GALNT18: variants seen among roughly 807,000 people sequenced by gnomAD.
GALNT18 encodes GalNAc-transferase 18.
A neutral mutation model predicts 69.5 loss-of-function variants in GALNT18; 44 were observed. That is an observed-to-expected ratio of 0.63 (90% CI 0.50 to 0.81). The LOEUF (loss-of-function observed/expected upper bound fraction) is 0.81. Ranked by LOEUF, GALNT18 falls within the 40% of genes least tolerant of loss-of-function variation. GALNT18 has a pLI of 0.00. For synonymous variants in GALNT18, 364 were observed against 318.2 expected, an observed-to-expected ratio of 1.14 and a Z score of -1.53; for missense variants, 715 against 810.0, an observed-to-expected ratio of 0.88 and a Z score of 1.42.
At chr11:11,553,951 C>T (rs931915974) in intron 1 of GALNT18, among the ~76,000 whole-genome samples, 1 of 152,228 alleles carries the variant, frequency 6.6e-6, no homozygotes, top group Non-Finnish European at 1.5e-5. Flanking sequence ...CGGGCTCTGC[C>T]TGCCTGATAC....
At position 11,540,604 on chromosome 11, in the gene GALNT18, T is replaced by C. The variant is rs967487361; in HGVS notation, c.235+80755A>G. 6.6e-6 allele frequency among the ~76,000 whole-genome samples: 1 copy of C among 152,202 alleles called. No individual in the cohort carries two copies. The highest frequency in any genetic ancestry group is 2.4e-5 in the African/African-American group (1 of 41,438). On this transcript the variant is annotated intron_variant, in intron 1 of 10. Coordinates refer to ENST00000227756, the MANE Select transcript of GALNT18 (RefSeq NM_198516.3). This position sits in a 1 kb window ranked among gnomAD's most constrained non-coding sequence, Gnocchi z 4.6. ...TGACCCTGAAAACTGATCCCTGATC[T>C]TGCCTCTGCGAGTTTCCCTTGGCCT...
intron 6 of GALNT18, among the ~76,000 whole-genome samples, chr11:11,355,417 A>C (rs1476576005): frequency 1.3e-5 from 2 of 152,176 alleles, no homozygotes; most frequent in Non-Finnish European, 2.9e-5. Flanking sequence ...GTGATTAAAC[A>C]TGCACAAAAA....
chr11:11,518,184 A>C (rs1423445456), intron 1 of GALNT18, among the ~76,000 whole-genome samples: 8 of 152,202 alleles, frequency 5.3e-5, no homozygotes, highest in Admixed American at 5.2e-4. Context: ...CCTGTTCCTC[A>C]GCTGAGTTCC....
chr11:11,511,251 G>A lies in GALNT18; in HGVS notation c.236-62315C>T, dbSNP rs1482443055. Among the ~76,000 whole-genome samples the A allele has an allele frequency of 6.6e-6, 1 of 152,192 alleles. No homozygotes were observed. Among genetic ancestry groups the A allele is most frequent in the African/African-American group, 2.4e-5 (1 of 41,454 alleles). On this transcript the variant is annotated intron_variant, in intron 1 of 10. Transcript: ENST00000227756. This position sits in a 1 kb window ranked among gnomAD's most constrained non-coding sequence, Gnocchi z 4.9. ...TGGAATCCCAGCCAAAGAATCTGCT[G>A]AAGACTGAAGGGACCGGCTGTCCAG...
chr11:11,378,708 C>T (rs1853834982), intron 4 of GALNT18, among the ~76,000 whole-genome samples: 1 of 152,220 alleles, frequency 6.6e-6, no homozygotes. Flanking sequence ...GGGCTTCTGC[C>T]TCACGTCTGG....
rs1160216130 is a variant in GALNT18, at chr11:11,432,363, CTA to C, written c.595+256_595+257del. Among the ~76,000 whole-genome samples the C allele has an allele frequency of 6.6e-6, 1 of 152,176 alleles. No homozygotes were observed. Among genetic ancestry groups the C allele is most frequent in the Admixed American group, 6.5e-5 (1 of 15,276 alleles). ...AGGAGGTCAGGGCCTTCTATCTTAT[CTA>C]TTGCACTGGAATATGGGAGGGGAGA... On this transcript the variant is annotated intron_variant, in intron 3 of 10. Coordinates refer to ENST00000227756, the MANE Select transcript of GALNT18 (RefSeq NM_198516.3). The surrounding 1 kb of genome is among the most constrained non-coding windows in gnomAD (Gnocchi z 5.8).
intron 1 of GALNT18, among the ~76,000 whole-genome samples, chr11:11,608,812 C>A (rs554262226): frequency 4.6e-5 from 7 of 152,182 alleles, no homozygotes; most frequent in Non-Finnish European, 1.5e-5. Flanking sequence ...AGGCTTCCCT[C>A]TTGAAGGTAA....
At chr11:11,438,864 C>T (rs1353217272) in intron 2 of GALNT18, among the ~76,000 whole-genome samples, 1 of 152,200 alleles carries the variant, frequency 6.6e-6, no homozygotes, top group Admixed American at 6.5e-5. Flanking sequence ...TGAAGCCCAA[C>T]ATGGTCTTCC....
rs192879612 is a variant in GALNT18 at position 11,340,753 on chromosome 11, C to T, written c.1278+66G>A. 2.0e-6 allele frequency: 3 copies of T among 1,469,848 alleles called. No homozygotes were observed. The highest frequency in any genetic ancestry group is 2.8e-5 in the African/African-American group (2 of 70,964). The allele number at this position is 1,469,848 out of a possible 1,614,324, so 91.1% of individuals were successfully genotyped here. On this transcript the variant is annotated intron_variant, in intron 7 of 10. Coordinates refer to ENST00000227756, the MANE Select transcript of GALNT18 (RefSeq NM_198516.3). The surrounding 1 kb of genome is among the most constrained non-coding windows in gnomAD (Gnocchi z 4.2). ...TGACCCATAGGAAGAAGGGTTCGGT[C>T]CCATATCTTGTTTTGTTTGTTTTCC...
intron 9 of GALNT18, among the ~76,000 whole-genome samples, chr11:11,317,302 A>G (rs1849773362): frequency 6.6e-6 from 1 of 152,214 alleles, no homozygotes; most frequent in African/African-American, 2.4e-5. Context: ...AGGTTTAAAC[A>G]CAGATGTGAA....
intron 3 of GALNT18, among the ~76,000 whole-genome samples, chr11:11,405,492 G>T (rs896900930): frequency 6.6e-6 from 1 of 152,154 alleles, no homozygotes; most frequent in Admixed American, 6.5e-5. Flanking sequence ...GAGGGTACTT[G>T]TGCACATGAG....
At chr11:11,328,986 C>T (rs1849973971) in intron 8 of GALNT18, among the ~76,000 whole-genome samples, 1 of 151,420 alleles carries the variant, frequency 6.6e-6, no homozygotes, top group African/African-American at 2.4e-5. Context: ...CCATTCCTTC[C>T]CCCACCCCCC....
intron 3 of GALNT18, among the ~76,000 whole-genome samples, chr11:11,411,891 TG>T (rs1676875917): frequency 6.6e-6 from 1 of 152,298 alleles, no homozygotes; most frequent in Middle Eastern, 3.4e-3. Flanking sequence ...GAGGCAAGGC[TG>T]GAATTTTTAG....
intron 1 of GALNT18, among the ~76,000 whole-genome samples, chr11:11,498,308 C>A (rs1412360398): frequency 6.6e-6 from 1 of 152,226 alleles, no homozygotes; most frequent in African/African-American, 2.4e-5. Context: ...ATAACAAGCT[C>A]AGCAAGCACA....
chr11:11,611,050 G>A (rs968948049), intron 1 of GALNT18, among the ~76,000 whole-genome samples: 1 of 152,180 alleles, frequency 6.6e-6, no homozygotes, highest in Admixed American at 6.5e-5. Context: ...GATCAAAAAG[G>A]ATCTTCCACT....
chr11:11,411,824 G>T (rs1854736027), intron 3 of GALNT18, among the ~76,000 whole-genome samples: 1 of 152,172 alleles, frequency 6.6e-6, no homozygotes, highest in Non-Finnish European at 1.5e-5. Flanking sequence ...GTCTAGCCTC[G>T]CTCTGACCCC....
At position 11,582,006 on chromosome 11, in the gene GALNT18, T is replaced by A. The variant is rs1859100099; in HGVS notation, c.235+39353A>T. 6.6e-6 allele frequency among the ~76,000 whole-genome samples: 1 copy of A among 151,838 alleles called. No individual in the cohort carries two copies. Among genetic ancestry groups the A allele is most frequent in the African/African-American group, 2.4e-5 (1 of 41,290 alleles). On this transcript the variant is annotated intron_variant, in intron 1 of 10. Coordinates refer to ENST00000227756, the MANE Select transcript of GALNT18 (RefSeq NM_198516.3). This position sits in a 1 kb window ranked among gnomAD's most constrained non-coding sequence, Gnocchi z 5.0. ...TTTACTGGAAGAGAAAGACAACAAA[T>A]GAGTAATCTAGTATTTCCTAGTATA...
At chr11:11,477,803 T>A (rs1338438031) in intron 1 of GALNT18, among the ~76,000 whole-genome samples, 1 of 152,208 alleles carries the variant, frequency 6.6e-6, no homozygotes, top group Admixed American at 6.5e-5. Flanking sequence ...AGGATAGTGA[T>A]AACAAAGATA....
intron 1 of GALNT18, among the ~76,000 whole-genome samples, chr11:11,489,711 AT>A (rs1287544069): frequency 6.6e-6 from 1 of 152,178 alleles, no homozygotes; most frequent in African/African-American, 2.4e-5. Context: ...GCAAACATTT[AT>A]GTAGGTGTTT....
Sources: gnomAD v4.1 joint callset for allele counts (sites outside exome capture counted in the v4.1 genomes callset) on GRCh38, gnomAD v4.1.1 for gene constraint, Gnocchi (gnomAD v3.1) non-coding constraint, MANE v1.5 for transcripts, NCBI Gene and HGNC (gene_info 2026-07-23, HGNC 2026-07-21) for gene names.